Variants in DCDC1 observed in about 807,000 individuals in gnomAD.
DCDC1 encodes doublecortin domain-containing protein 1.
Under a neutral mutation model 178.3 loss-of-function variants are expected in DCDC1, and 200 were observed. That is an observed-to-expected ratio of 1.12 (90% confidence interval 1.00 to 1.26). The LOEUF (loss-of-function observed/expected upper bound fraction) is 1.26. DCDC1 is among the 50% of genes most tolerant of loss of function. The pLI is 0.00. For synonymous variants in DCDC1, 690 were observed against 604.8 expected, an observed-to-expected ratio of 1.14 and a Z score of -2.07; for missense variants, 1,983 against 1,749.2, an observed-to-expected ratio of 1.13 and a Z score of -2.38.
chr11:31,270,127 T>A (rs1470237220), intron 7 of DCDC1, among the ~76,000 whole-genome samples: 8 of 152,204 alleles, frequency 5.3e-5, no homozygotes. Context: ...CTGTAGGAGT[T>A]AGCAAACTAC....
intron 20 of DCDC1, among the ~76,000 whole-genome samples, chr11:31,055,102 A>C (rs1955500886): frequency 1.3e-5 from 2 of 152,210 alleles, no homozygotes; most frequent in Admixed American, 1.3e-4. Flanking sequence ...ACAAAAGATT[A>C]ATATCCAGAA....
At position 31,307,781 on chromosome 11, in the gene DCDC1, A is replaced by C; in HGVS notation, c.292T>G (p.Ser98Ala). 6.2e-7 allele frequency: 1 copy of C among 1,614,066 alleles called. No homozygotes were observed. Among genetic ancestry groups the C allele is most frequent in the Non-Finnish European group, 8.5e-7 (1 of 1,179,990 alleles). The stretch of plus-strand genomic sequence containing the variant: ...TGATCTGATGCTGTTTGATGTGTGG[A>C]GCAATCTTGAAGTCCTGACCCTTCT... ...VSEGSGLQDC[S>A]THQTASDHSH... Residue 98 changes from serine to alanine, a missense_variant, in exon 4 of 39, where the codon TCC becomes GCC. Ser to Ala is a moderately conservative substitution (Grantham distance 99, BLOSUM62 1). Coordinates refer to ENST00000684477, the MANE Select transcript of DCDC1 (RefSeq NM_001387274.1).
chr11:31,001,758 C>A (rs1012717763), intron 20 of DCDC1, among the ~76,000 whole-genome samples: 1 of 152,208 alleles, frequency 6.6e-6, no homozygotes, highest in Non-Finnish European at 1.5e-5. Flanking sequence ...GATACACTTT[C>A]TGTTTCCTAT....
intron 18 of DCDC1, among the ~76,000 whole-genome samples, chr11:31,071,536 T>C (rs1956561168): frequency 6.6e-6 from 1 of 152,192 alleles, no homozygotes. Context: ...CATACCTTTG[T>C]GTAGCCCCTC....
intron 6 of DCDC1, among the ~76,000 whole-genome samples, chr11:31,302,006 T>G (rs1297189356): frequency 6.6e-6 from 1 of 152,182 alleles, no homozygotes; most frequent in African/African-American, 2.4e-5. Context: ...CACTTCTGGT[T>G]AACAAAACTC....
intron 18 of DCDC1, among the ~76,000 whole-genome samples, chr11:31,067,476 C>T (rs917055322): frequency 1.3e-5 from 2 of 152,122 alleles, no homozygotes; most frequent in Non-Finnish European, 2.9e-5. Flanking sequence ...GGGGAAACAG[C>T]TTGGCTAGTC....
intron 20 of DCDC1, among the ~76,000 whole-genome samples, chr11:31,032,987 T>G (rs575255331): frequency 1.1e-4 from 16 of 152,132 alleles, no homozygotes; most frequent in Non-Finnish European, 2.1e-4. Flanking sequence ...CTGGCAGAGG[T>G]GGGAGGCCTT....
intron 1 of DCDC1, among the ~76,000 whole-genome samples, chr11:31,361,186 G>C (rs1235282598): frequency 6.6e-6 from 1 of 152,012 alleles, no homozygotes; most frequent in African/African-American, 2.4e-5. Flanking sequence ...AAAATAAAAA[G>C]AACGGTTTTA....
chr11:30,979,515 C>A (rs1252968353), intron 20 of DCDC1, among the ~76,000 whole-genome samples: 2 of 152,098 alleles, frequency 1.3e-5, no homozygotes, highest in Non-Finnish European at 2.9e-5. Flanking sequence ...ATTACAGTGA[C>A]CAAGGGTGAG....
intron 25 of DCDC1, 135 bp from the exon 26 acceptor site, chr11:30,917,163 A>G: frequency 1.3e-6 from 1 of 747,924 alleles, no homozygotes; most frequent in Admixed American, 3.6e-5. Flanking sequence ...AAGGGTGCCT[A>G]ATACTGGAAA....
At position 30,864,495 on chromosome 11, in the gene DCDC1, A is replaced by C. The variant is rs543032167; in HGVS notation, c.*878T>G. 2.1e-4 allele frequency: 32 copies of C among 152,250 alleles called. No individual in the cohort carries two copies. Among genetic ancestry groups the C allele is most frequent in the Admixed American group, 3.9e-4 (6 of 15,286 alleles). 9.4% of individuals were successfully genotyped at this position (152,250 alleles called of 1,614,324 possible). On this transcript the variant is annotated 3_prime_UTR_variant, in exon 39 of 39. Coordinates refer to ENST00000684477, the MANE Select transcript of DCDC1 (RefSeq NM_001387274.1). ...GAGGATTGTAGTTTCTGAGCAGCTG[A>C]CTGAAAGGAAATTCTATAAAGCAGA... is the stretch of plus-strand genomic sequence containing the variant.
chr11:30,919,346 G>A (rs1193924949), intron 25 of DCDC1, among the ~76,000 whole-genome samples: 3 of 152,118 alleles, frequency 2.0e-5, no homozygotes, highest in Admixed American at 2.0e-4. Context: ...TCAAGAAGAG[G>A]CTTGAGCAAA....
intron 9 of DCDC1, among the ~76,000 whole-genome samples, chr11:31,233,880 T>C (rs1051768997): frequency 4.6e-5 from 7 of 152,198 alleles, no homozygotes; most frequent in Non-Finnish European, 1.0e-4. Context: ...TTTTCAGTGA[T>C]GATGTAGCTA....
intron 12 of DCDC1, among the ~76,000 whole-genome samples, chr11:31,108,114 C>G (rs545410377): frequency 1.3e-5 from 2 of 152,186 alleles, no homozygotes; most frequent in African/African-American, 4.8e-5. Context: ...GCAAATATTT[C>G]TTTTGACCAG....
chr11:31,066,373 T>A (rs1483537042), intron 18 of DCDC1, among the ~76,000 whole-genome samples: 1 of 152,192 alleles, frequency 6.6e-6, no homozygotes, highest in South Asian at 2.1e-4. Flanking sequence ...TTAAGCAACA[T>A]GCTTCAGTGT....
At chr11:31,292,966 C>G (rs192474064) in intron 6 of DCDC1, among the ~76,000 whole-genome samples, 1 of 152,216 alleles carries the variant, frequency 6.6e-6, no homozygotes, top group Admixed American at 6.5e-5. Context: ...GGTATTAACT[C>G]TACCTTCAAA....
At position 31,350,479 on chromosome 11, in the gene DCDC1, C is replaced by T. The variant is rs575845796; in HGVS notation, c.-124-14915G>A. 6.6e-4 allele frequency among the ~76,000 whole-genome samples: 100 copies of T among 152,110 alleles called. 4 individuals are homozygous for T. In the South Asian group the frequency reaches 0.02, roughly 31 times the overall value. ...TCAAAATATCTAATTAGCCCAGTGTCCCCTTTCTCATATACTTATGAGAAC... is the reference window on the plus strand; with the variant it reads ...TCAAAATATCTAATTAGCCCAGTGTTCCCTTTCTCATATACTTATGAGAAC... On this transcript the variant is annotated intron_variant, in intron 1 of 38. Transcript: ENST00000684477.
chr11:30,933,441 T>A (rs942722959), intron 21 of DCDC1, among the ~76,000 whole-genome samples: 7 of 152,170 alleles, frequency 4.6e-5, no homozygotes, highest in Non-Finnish European at 8.8e-5. Flanking sequence ...TAAACTCTCA[T>A]CACTTATGTG....
At chr11:31,323,539 A>G (rs1949484224) in intron 3 of DCDC1, among the ~76,000 whole-genome samples, 1 of 152,124 alleles carries the variant, frequency 6.6e-6, no homozygotes, top group South Asian at 2.1e-4. Flanking sequence ...TTTATAGTGT[A>G]TATTTGACAA....
Sources: allele counts gnomAD v4.1 joint callset (sites outside exome capture counted in the v4.1 genomes callset), GRCh38; gene constraint gnomAD v4.1.1; transcripts MANE v1.5; gene names NCBI Gene and HGNC (gene_info 2026-07-23, HGNC 2026-07-21).